The following MAP2 variants were observed in gnomAD, a reference collection of about 807,000 sequenced individuals.
MAP2 encodes microtubule-associated protein 2.
Under a neutral mutation model 137.6 loss-of-function variants are expected in MAP2, and 14 were observed. The observed-to-expected ratio is 0.10, with a 90% CI of 0.07 to 0.16. The LOEUF (loss-of-function observed/expected upper bound fraction) is 0.16, where lower values mean the gene tolerates loss of function less well. Among genes scored for constraint, MAP2 ranks in the 10% least tolerant of loss-of-function variants. The pLI, the probability that MAP2 is intolerant of heterozygous loss-of-function variation, is 1.00. For synonymous variants in MAP2, 786 were observed against 782.3 expected (o/e 1.00, Z -0.08); for missense variants, 2,088 against 2,191.5 (o/e 0.95, Z 0.94).
intron 1 of MAP2, among the ~76,000 whole-genome samples, chr2:209,468,138 T>G (rs1303937764): frequency 6.6e-6 from 1 of 152,046 alleles, no homozygotes; most frequent in Non-Finnish European, 1.5e-5. Flanking sequence ...GTTTGGCACT[T>G]GGTTCTTGAA....
At chr2:209,597,649 CTG>C (rs1301704684) in intron 3 of MAP2, among the ~76,000 whole-genome samples, 1 of 152,200 alleles carries the variant, frequency 6.6e-6, no homozygotes, top group Non-Finnish European at 1.5e-5. Context: ...GCAGAATAAA[CTG>C]TGCCATAAGG....
At chr2:209,438,744 T>C (rs1338718111) in intron 1 of MAP2, among the ~76,000 whole-genome samples, 4 of 151,478 alleles carry the variant, frequency 2.6e-5, no homozygotes, top group African/African-American at 4.8e-5. Context: ...TCTGGACTCA[T>C]GTCAGCATCC....
chr2:209,633,408 T>A (rs959764971), intron 4 of MAP2, among the ~76,000 whole-genome samples: 1 of 152,152 alleles, frequency 6.6e-6, no homozygotes, highest in African/African-American at 2.4e-5. Context: ...ATCCAGTTGG[T>A]GAAGTCTCAA....
intron 1 of MAP2, among the ~76,000 whole-genome samples, chr2:209,462,680 A>G (rs1703115913): frequency 6.6e-6 from 1 of 152,174 alleles, no homozygotes; most frequent in African/African-American, 2.4e-5. Context: ...TGGTAGCAAT[A>G]ATTAACTATT....
intron 3 of MAP2, among the ~76,000 whole-genome samples, chr2:209,593,632 AAAATATATATATATATAT>A (rs1184248660): frequency 1.6e-5 from 1 of 61,154 alleles, no homozygotes. Flanking sequence ...AAAAAAAAAA[AAAATATATATATATATAT>A]ATATATATAT....
intron 2 of MAP2, among the ~76,000 whole-genome samples, chr2:209,512,608 T>C (rs766753924): frequency 1.2e-4 from 18 of 147,570 alleles, no homozygotes; most frequent in Non-Finnish European, 2.3e-4. Flanking sequence ...CACAAACACA[T>C]ATATATATAA....
chr2:209,638,610 T>G (rs1256115730), intron 4 of MAP2, among the ~76,000 whole-genome samples: 2 of 152,164 alleles, frequency 1.3e-5, no homozygotes, highest in African/African-American at 4.8e-5. Flanking sequence ...GCTCCACAGA[T>G]GTAGTAGGTT....
At chr2:209,478,177 T>C (rs1707828200) in intron 1 of MAP2, among the ~76,000 whole-genome samples, 1 of 152,122 alleles carries the variant, frequency 6.6e-6, no homozygotes, top group Non-Finnish European at 1.5e-5. Flanking sequence ...TCATTATTGC[T>C]AGTTACCTGT....
intron 1 of MAP2, among the ~76,000 whole-genome samples, chr2:209,500,229 A>G (rs762781656): frequency 6.6e-6 from 1 of 152,200 alleles, no homozygotes; most frequent in Non-Finnish European, 1.5e-5. Flanking sequence ...TTTCACCTAC[A>G]AAATTAAATA....
At position 209,617,459 on chromosome 2, in the gene MAP2, A is replaced by G. The variant is rs76542313; in HGVS notation, c.-106-7594A>G. Among the ~76,000 whole-genome samples the G allele has an allele frequency of 6.0e-3, 917 of 152,186 alleles. 23 individuals carry two copies. In the East Asian group the frequency reaches 0.068, roughly 11 times the overall value. On this transcript the variant is annotated intron_variant, in intron 3 of 15. Transcript: ENST00000682079. ...CTCAATCAGATACCCAGCGTGATCA[A>G]ATGTCAAGGGTGGGGGATTCTCTCT...
chr2:209,433,039 T>C (rs1243625924), intron 1 of MAP2, among the ~76,000 whole-genome samples: 1 of 152,126 alleles, frequency 6.6e-6, no homozygotes, highest in Non-Finnish European at 1.5e-5. Context: ...TAGCCCATGG[T>C]TCATTCACTT....
chr2:209,494,568 C>T (rs1030400272), intron 1 of MAP2, among the ~76,000 whole-genome samples: 3 of 152,246 alleles, frequency 2.0e-5, no homozygotes, highest in Non-Finnish European at 4.4e-5. Context: ...TGAAGTTACC[C>T]TGTATGGTCT....
At position 209,515,523 on chromosome 2, in the gene MAP2, A is replaced by T. The variant is rs188263270; in HGVS notation, c.-172+7882A>T. ...GCAGGAGGGAGTATGTGCGAGCACG[A>T]TGAAGTGCCTCACTTTAAAACCATC... is the stretch of plus-strand genomic sequence containing the variant. On this transcript the variant is annotated intron_variant, in intron 2 of 15. Coordinates refer to ENST00000682079, the MANE Select transcript of MAP2 (RefSeq NM_001375505.1). 3.8e-3 allele frequency among the ~76,000 whole-genome samples: 571 copies of T among 152,192 alleles called. 2 individuals are homozygous for T. The highest frequency in any genetic ancestry group is 0.013 in the African/African-American group (535 of 41,542).
chr2:209,574,432 TAC>T (rs57166815), intron 2 of MAP2, among the ~76,000 whole-genome samples: 94,018 of 148,500 alleles, frequency 0.63, 29,756 homozygotes, highest in Non-Finnish European at 0.68. Flanking sequence ...ATAGTATAGA[TAC>T]ACACACACAC....
intron 1 of MAP2, among the ~76,000 whole-genome samples, chr2:209,432,538 A>G (rs1335696270): frequency 6.6e-6 from 1 of 152,198 alleles, no homozygotes; most frequent in East Asian, 1.9e-4. Context: ...TTAAGGAGAA[A>G]CATATTCCTG....
intron 2 of MAP2, among the ~76,000 whole-genome samples, chr2:209,518,541 T>C (rs1454227894): frequency 2.0e-5 from 3 of 152,060 alleles, no homozygotes; most frequent in Non-Finnish European, 4.4e-5. Flanking sequence ...GGGACAGTTT[T>C]ACTTTGGATC....
At chr2:209,665,351 T>C (rs914173447) in intron 5 of MAP2, among the ~76,000 whole-genome samples, 2 of 152,210 alleles carry the variant, frequency 1.3e-5, no homozygotes, top group Admixed American at 1.3e-4. Context: ...AAATTTTTCA[T>C]GTTCATTTCT....
At chr2:209,540,630 C>CAAA (rs749183996) in intron 2 of MAP2, among the ~76,000 whole-genome samples, 2,557 of 27,376 alleles carry the variant, frequency 0.093, 431 homozygotes, top group Middle Eastern at 0.17. Context: ...GACTCCGTCT[C>CAAA]AAAAAAAAAA....
chr2:209,490,220 G>A (rs186387217), intron 1 of MAP2, among the ~76,000 whole-genome samples: 1 of 152,224 alleles, frequency 6.6e-6, no homozygotes, highest in Admixed American at 6.5e-5. Flanking sequence ...TTGCAGACAA[G>A]CAAATGCTGA....
Sources: allele counts gnomAD v4.1 joint callset (sites outside exome capture counted in the v4.1 genomes callset), GRCh38; gene constraint gnomAD v4.1.1; transcripts MANE v1.5; gene names NCBI Gene and HGNC (gene_info 2026-07-23, HGNC 2026-07-21).